The following DPH6 variants were observed in gnomAD, a reference collection of about 807,000 sequenced individuals.
The protein encoded by DPH6 is diphthamine biosynthesis 6.
Under a neutral mutation model 38.2 loss-of-function variants are expected in DPH6, and 33 were observed. That is an observed-to-expected ratio of 0.86 (90% confidence interval 0.65 to 1.15). DPH6 has a LOEUF of 1.15. Among genes scored for constraint, DPH6 ranks in the 50% most tolerant of loss-of-function variants. The pLI, the probability that DPH6 is intolerant of heterozygous loss-of-function variation, is 0.00. For synonymous variants in DPH6, 108 were observed against 103.0 expected, an observed-to-expected ratio of 1.05 and a Z score of -0.30; for missense variants, 325 against 320.0, an observed-to-expected ratio of 1.02 and a Z score of -0.12.
At chr15:35,517,435 AT>A (rs972695556) in intron 3 of DPH6, among the ~76,000 whole-genome samples, 1 of 151,986 alleles carries the variant, frequency 6.6e-6, no homozygotes, top group Non-Finnish European at 1.5e-5. Context: ...ACCTTATTCA[AT>A]TTTTTTCTTT....
chr15:35,385,585 A>T (rs985031756), intron 6 of DPH6, among the ~76,000 whole-genome samples: 1 of 152,018 alleles, frequency 6.6e-6, no homozygotes, highest in African/African-American at 2.4e-5. Context: ...GGATACAGGG[A>T]GGGGAACATC....
Position 35,397,868 on chromosome 15 carries a change from TACACACACACACAC to T in DPH6, c.567+12953_567+12966del, listed in dbSNP as rs57530358. On this transcript the variant is annotated intron_variant, in intron 6 of 8. Transcript: ENST00000256538. Reference sequence around the variant, plus strand: ...AATAGATGGAATCAATTTATATATATACACACACACACACACACACACACACACACACACACACA... The same window carrying T: ...AATAGATGGAATCAATTTATATATATACACACACACACACACACACACACA... Among the ~76,000 whole-genome samples the T allele has an allele frequency of 5.5e-4, 48 of 87,304 alleles. 1 individual carries two copies. The highest frequency in any genetic ancestry group is 1.6e-3 in the Admixed American group (13 of 8,044). The allele number at this position is 87,304 out of a possible 152,430, so 57.3% of individuals were successfully genotyped here. A position where few individuals can be genotyped will look rare whatever the true frequency, so the allele number is the denominator to read the frequency against.
chr15:35,243,197 T>A lies in DPH6; in HGVS notation n.201-22615A>T, dbSNP rs898283319. The stretch of plus-strand genomic sequence containing the variant: ...TACATGACAAATGTTTCTTCTAACA[T>A]CCCCACAATATCACCCCTTACCACA... On this transcript the variant is annotated intron_variant and non_coding_transcript_variant, in intron 3 of 3. Transcript: ENST00000560386. Among the ~76,000 whole-genome samples the A allele has an allele frequency of 9.9e-5, 14 of 141,288 alleles. 2 individuals carry two copies. The highest frequency in any genetic ancestry group is 2.3e-4 in the Admixed American group (3 of 12,782). The allele number at this position is 141,288 out of a possible 152,430, so 92.7% of individuals were successfully genotyped here.
downstream of DPH6, among the ~76,000 whole-genome samples, chr15:35,327,957 A>C (rs551240840): frequency 3.9e-5 from 6 of 152,266 alleles, no homozygotes; most frequent in South Asian, 1.2e-3. Context: ...ATACATTGCA[A>C]ACCCTCCAGC....
intron 2 of DPH6, among the ~76,000 whole-genome samples, chr15:35,541,502 ATT>A (rs35038795): frequency 0.19 from 28,464 of 152,112 alleles, 3,427 homozygotes; most frequent in Middle Eastern, 0.35. Flanking sequence ...ATTCAGCTAA[ATT>A]TACAGAATGC....
the DPH6 span, among the ~76,000 whole-genome samples, chr15:35,167,188 A>C: frequency 1.3e-5 from 2 of 152,052 alleles, no homozygotes; most frequent in African/African-American, 2.4e-5. Flanking sequence ...GTGAAAACAC[A>C]ATTTTATCTT....
chr15:35,498,661 C>T lies in DPH6; in HGVS notation c.312+39613G>A, dbSNP rs114619319. ...CTGATTCAAATATAATTCTAAACAA[C>T]AGTCACGACCTTATATATTGTAACT... On this transcript the variant is annotated intron_variant, in intron 3 of 8. Coordinates refer to ENST00000256538, the MANE Select transcript of DPH6 (RefSeq NM_080650.4). 8.0e-3 allele frequency among the ~76,000 whole-genome samples: 1,212 copies of T among 152,230 alleles called. 29 individuals are homozygous for T. Among genetic ancestry groups the T allele is most frequent in the African/African-American group, 0.027 (1,138 of 41,536 alleles).
intron 3 of DPH6, among the ~76,000 whole-genome samples, chr15:35,254,163 G>T (rs895279300): frequency 6.6e-6 from 1 of 152,252 alleles, no homozygotes. Context: ...CTGCAAATGG[G>T]ACTGCACAAA....
intron 5 of DPH6, among the ~76,000 whole-genome samples, chr15:35,446,669 G>T (rs779787776): frequency 6.6e-6 from 1 of 152,162 alleles, no homozygotes; most frequent in Non-Finnish European, 1.5e-5. Context: ...GCTATTAGTA[G>T]TTAAATTTTT....
Position 35,371,761 on chromosome 15 carries a change from T to C in DPH6, c.*389A>G. The C allele has an allele frequency of 2.0e-6, 2 of 989,206 alleles. No individual in the cohort carries two copies. The highest frequency in any genetic ancestry group is 1.2e-6 in the Non-Finnish European group (1 of 832,728). 61.3% of individuals were successfully genotyped at this position (989,206 alleles called of 1,614,324 possible). A position where few individuals can be genotyped will look rare whatever the true frequency, so the allele number is the denominator to read the frequency against. On this transcript the variant is annotated 3_prime_UTR_variant, in exon 9 of 9. Coordinates refer to ENST00000256538, the MANE Select transcript of DPH6 (RefSeq NM_080650.4). ...AAATAAAGTGACCATCTTTTCATCTTCATTTTCAAATGCCTCTGCATCATG... is the reference window on the plus strand; with the variant it reads ...AAATAAAGTGACCATCTTTTCATCTCCATTTTCAAATGCCTCTGCATCATG...
intron 3 of DPH6, chr15:35,490,202 A>G (rs965731963): frequency 3.8e-5 from 37 of 985,156 alleles, no homozygotes; most frequent in Non-Finnish European, 4.2e-5. Context: ...CTCTTCCTAA[A>G]GGAAGAAAGG....
the DPH6 span, among the ~76,000 whole-genome samples, chr15:35,145,604 G>A: frequency 6.6e-6 from 1 of 152,080 alleles, no homozygotes; most frequent in African/African-American, 2.4e-5. Context: ...GTCTATGAGG[G>A]GTAGATCCCT....
intron 3 of DPH6, among the ~76,000 whole-genome samples, chr15:35,246,851 T>C (rs1287375896): frequency 1.3e-5 from 2 of 152,216 alleles, no homozygotes; most frequent in African/African-American, 2.4e-5. Context: ...TATGGAAACA[T>C]ACTTTAGGAG....
rs778094787 is a variant in DPH6 at position 35,230,492 on chromosome 15, C to T, written n.201-9910G>A. Among the ~76,000 whole-genome samples, 62 of 152,210 alleles carry T rather than the reference C, an allele frequency of 4.1e-4. 1 individual carries two copies. The highest frequency in any genetic ancestry group is 3.4e-3 in the Middle Eastern group (1 of 294). On this transcript the variant is annotated intron_variant and non_coding_transcript_variant, in intron 3 of 3. Transcript: ENST00000560386. ...GCGAAGTCCTGGAGTCCTGGGAGCC[C>T]CAAGAGTCTGCTTGATGCTCTACCC...
chr15:35,349,163 T>C (rs1400201670), intron 3 of DPH6, among the ~76,000 whole-genome samples: 1 of 152,160 alleles, frequency 6.6e-6, no homozygotes, highest in Non-Finnish European at 1.5e-5. Flanking sequence ...TTTTCTTGCC[T>C]AATTAATCTG....
Position 35,542,965 on chromosome 15 carries a change from T to TATATATATATATATCTATATATATATAA in DPH6, c.24-459_24-458insTTATATATATATAGATATATATATATAT, listed in dbSNP as rs58422347. ...TAAGGAATATATATATATATATATA[T>TATATATATATATATCTATATATATATAA]AAAATAATTTCATAGAAATTATTGG... is the stretch of plus-strand genomic sequence containing the variant. On this transcript the variant is annotated intron_variant, in intron 1 of 8. Coordinates refer to ENST00000256538, the MANE Select transcript of DPH6 (RefSeq NM_080650.4). Among the ~76,000 whole-genome samples the TATATATATATATATCTATATATATATAA allele has an allele frequency of 2.6e-5, 2 of 76,178 alleles. 1 individual carries two copies. The highest frequency in any genetic ancestry group is 5.2e-5 in the Non-Finnish European group (2 of 38,358). The allele number at this position is 76,178 out of a possible 152,430, so 50.0% of individuals were successfully genotyped here.
intron 5 of DPH6, among the ~76,000 whole-genome samples, chr15:35,440,095 C>G (rs2053768152): frequency 1.3e-5 from 2 of 152,196 alleles, no homozygotes; most frequent in African/African-American, 4.8e-5. Context: ...AACCAACCAG[C>G]AATCTCTGGC....
intron 3 of DPH6, among the ~76,000 whole-genome samples, chr15:35,478,357 A>G (rs1222643448): frequency 2.7e-5 from 3 of 110,778 alleles, no homozygotes. Flanking sequence ...ATACACACAT[A>G]CCCACACATA....
At chr15:35,434,149 T>C (rs562923344) in intron 5 of DPH6, among the ~76,000 whole-genome samples, 12 of 152,128 alleles carry the variant, frequency 7.9e-5, no homozygotes, top group Non-Finnish European at 1.5e-5. Context: ...GCAGGCCAGT[T>C]TGAGTCAAAG....
Sources: gnomAD v4.1 joint callset for allele counts (sites outside exome capture counted in the v4.1 genomes callset) on GRCh38, gnomAD v4.1.1 for gene constraint, MANE v1.5 for transcripts, NCBI Gene and HGNC (gene_info 2026-07-23, HGNC 2026-07-21) for gene names.